SECISBP2: variants seen among roughly 807,000 people sequenced by gnomAD.
SECISBP2 encodes the protein SECIS binding protein 2.
In SECISBP2, 96 loss-of-function variants were observed where a neutral mutation model predicts 98.2. The ratio of observed to expected loss-of-function variants is 0.98; its 90% CI spans 0.83 to 1.16. The LOEUF (loss-of-function observed/expected upper bound fraction) is 1.16. Ranked by LOEUF, SECISBP2 falls within the 50% of genes most tolerant of loss-of-function variation. SECISBP2 has a pLI of 0.00. For missense variants in SECISBP2, 1,046 were observed against 1,022.9 expected (o/e 1.02, Z -0.31); for synonymous variants, 407 against 370.2 (o/e 1.10, Z -1.14).
At chr9:89,361,404 G>A (rs1293075402), downstream of SECISBP2, 1 of 152,228 alleles carries the variant, frequency 6.6e-6, no homozygotes, top group Non-Finnish European at 1.5e-5. Flanking sequence ...GGTGCGGCTT[G>A]ACTTTTAACA....
intron 7 of SECISBP2, among the ~76,000 whole-genome samples, chr9:89,336,531 C>G (rs946923993): frequency 2.6e-5 from 4 of 152,080 alleles, no homozygotes; most frequent in African/African-American, 9.7e-5. Context: ...TGTAATTAGC[C>G]CATTCCACAT....
chr9:89,339,881 C>T lies in SECISBP2; in HGVS notation c.1230C>T (p.Pro410=). 6.2e-7 allele frequency: 1 copy of T among 1,613,620 alleles called. No homozygotes were observed. The highest frequency in any genetic ancestry group is 8.5e-7 in the Non-Finnish European group (1 of 1,179,650). ...TTACTTAGGATGCCGAGGAATTTCC[C>T]AACCTGGCAGTTGCATCTGAAAGAA... ...PPRIEDAEEF[P]NLAVASERRD... is the part of the protein sequence containing the mutation. The change falls in exon 9 of 17, where the codon CCC becomes CCT. Residue 410 remains proline, a synonymous_variant. Transcript: ENST00000375807.
In SECISBP2 at chr9:89,358,046, G is replaced by A. The variant is rs62638731; in HGVS notation, c.2316G>A (p.Ala772=). The change falls in exon 16 of 17, where the codon GCG becomes GCA. Residue 772 remains alanine, a synonymous_variant. Transcript: ENST00000375807. Reference sequence around the variant, plus strand: ...AGCTGACAGTGGCGGCCCGACAGGCGTACAAGACCATGCTGGAGAATGTGC... The same window carrying A: ...AGCTGACAGTGGCGGCCCGACAGGCATACAAGACCATGCTGGAGAATGTGC... ...MVELTVAARQ[A]YKTMLENVQQ... 2.3e-3 allele frequency: 3,703 copies of A among 1,613,608 alleles called. 90 individuals are homozygous for A. In the African/African-American group the frequency reaches 0.044, roughly 19 times the overall value.
At chr9:89,339,215 T>G (rs546568061) in intron 8 of SECISBP2, among the ~76,000 whole-genome samples, 1 of 152,338 alleles carries the variant, frequency 6.6e-6, no homozygotes, top group East Asian at 1.9e-4. Context: ...GCTGCCCAGG[T>G]GCCCAGCTTA....
At chr9:89,357,929 T>G in intron 15 of SECISBP2, 70 bp from the exon 16 acceptor site, 5 of 1,527,426 alleles carry the variant, frequency 3.3e-6, no homozygotes, top group Non-Finnish European at 4.5e-6. Flanking sequence ...GAGGTGGCCA[T>G]TGCTGAGTTT....
downstream of SECISBP2, among the ~76,000 whole-genome samples, chr9:89,363,266 T>C (rs1035942603): frequency 7.0e-6 from 1 of 142,644 alleles, no homozygotes; most frequent in Non-Finnish European, 1.5e-5. Flanking sequence ...GACGTGGGAT[T>C]TCCCCCCCCA....
In SECISBP2 at chr9:89,350,891, G is replaced by A. The variant is rs759183688; in HGVS notation, c.2113+39G>A. On this transcript the variant is annotated intron_variant, in intron 14 of 16. Coordinates refer to ENST00000375807, the MANE Select transcript of SECISBP2 (RefSeq NM_024077.5). ...GTGGTCCTGTGATATGTGGGCCCCT[G>A]CATGAGTGCCTAGTGTGCCCTCGTG... 8 of 1,542,858 alleles carry A rather than the reference G, an allele frequency of 5.2e-6. 1 individual carries two copies. Among genetic ancestry groups the A allele is most frequent in the Middle Eastern group, 1.7e-4 (1 of 5,996 alleles).
chr9:89,318,760 T>A, intron 1 of SECISBP2, 148 bp downstream of exon 1: 7 of 1,231,262 alleles, frequency 5.7e-6, no homozygotes, highest in Non-Finnish European at 7.3e-6. Context: ...GTGGCCGCGA[T>A]CTTCGCGCCC....
chr9:89,351,130 G>A (rs1831222269), intron 14 of SECISBP2, among the ~76,000 whole-genome samples: 2 of 152,168 alleles, frequency 1.3e-5, no homozygotes, highest in African/African-American at 4.8e-5. Context: ...CCTCTGTTGT[G>A]CAGGCCACTG....
intron 5 of SECISBP2, chr9:89,329,903 GAAA>G (rs1346495058): frequency 6.6e-6 from 1 of 151,508 alleles, no homozygotes; most frequent in Non-Finnish European, 1.5e-5. Flanking sequence ...TTCCAATATA[GAAA>G]AAAAAGACTT....
intron 14 of SECISBP2, among the ~76,000 whole-genome samples, chr9:89,353,054 G>C (rs927112532): frequency 3.9e-5 from 6 of 152,100 alleles, no homozygotes; most frequent in African/African-American, 4.8e-5. Flanking sequence ...TGGAAATCCG[G>C]GTGTGTGGCT....
downstream of SECISBP2, among the ~76,000 whole-genome samples, chr9:89,362,649 T>G (rs1032402325): frequency 7.2e-5 from 11 of 152,304 alleles, no homozygotes; most frequent in African/African-American, 2.6e-4. Context: ...ACTCCCAGAT[T>G]GTGCTGAGAG....
chr9:89,329,199 G>A lies in SECISBP2; in HGVS notation c.801+313G>A, dbSNP rs1446393873. ...ACGATCTCAGCTCACTGCAACCTCC[G>A]CCTCCCGGGTTCAAGCAATTCTCCT... On this transcript the variant is annotated intron_variant, in intron 5 of 16. Transcript: ENST00000375807. 1.6e-5 allele frequency: 5 copies of A among 307,466 alleles called. 1 individual carries two copies. The East Asian group carries it at 3.5e-4, about 21-fold the overall frequency. 19.0% of individuals were successfully genotyped at this position (307,466 alleles called of 1,614,324 possible).
downstream of SECISBP2, chr9:89,362,409 G>A (rs1554729341): frequency 5.0e-6 from 8 of 1,613,946 alleles, no homozygotes; most frequent in Non-Finnish European, 4.2e-6. Flanking sequence ...TGGCTACAGG[G>A]TGTCCTTGCT....
At chr9:89,362,698 G>T (rs1832883321), downstream of SECISBP2, among the ~76,000 whole-genome samples, 1 of 152,268 alleles carries the variant, frequency 6.6e-6, no homozygotes, top group African/African-American at 2.4e-5. Context: ...GTGTGCTGAA[G>T]TACAGAGGAT....
chr9:89,356,374 T>G (rs938933953), intron 14 of SECISBP2, among the ~76,000 whole-genome samples: 3 of 152,252 alleles, frequency 2.0e-5, no homozygotes, highest in African/African-American at 7.2e-5. Flanking sequence ...TTTTAAAGTG[T>G]TAGATTAATG....
chr9:89,366,061 C>T, the SECISBP2 span, among the ~76,000 whole-genome samples: 1 of 152,236 alleles, frequency 6.6e-6, no homozygotes, highest in African/African-American at 2.4e-5. Flanking sequence ...CCAGTGAAGC[C>T]CTGTTTCTAT....
In SECISBP2 at chr9:89,341,322, A is replaced by G. The variant is rs190046127; in HGVS notation, c.1303-25A>G. The G allele has an allele frequency of 8.1e-6, 13 of 1,605,082 alleles. No homozygotes were observed. The Admixed American group carries it at 2.0e-4, about 25-fold the overall frequency. Reference sequence around the variant, plus strand: ...GCACAGTTTGTATAGTTTTATAAGTAAACTTACGAATTTTGAACTTTCAGG... The same window carrying G: ...GCACAGTTTGTATAGTTTTATAAGTGAACTTACGAATTTTGAACTTTCAGG... On this transcript the variant is annotated intron_variant, in intron 9 of 16. Transcript: ENST00000375807.
chr9:89,357,411 G>A lies in SECISBP2; in HGVS notation c.2114G>A (p.Gly705Asp). The A allele has an allele frequency of 2.5e-6, 4 of 1,614,124 alleles. No homozygotes were observed. The highest frequency in any genetic ancestry group is 2.2e-5 in the East Asian group (1 of 44,896). Reference sequence around the variant, plus strand: ...TCATTTTTCATTGTCCTTTGACCAGGTGGGCTGGATGACACTTTGCACACA... The same window carrying A: ...TCATTTTTCATTGTCCTTTGACCAGATGGGCTGGATGACACTTTGCACACA... ...SPNCEKIQSK[G>D]GLDDTLHTII... The change falls in exon 15 of 17, where the codon GGT becomes GAT. Residue 705 changes from glycine to aspartate, a missense_variant and splice_region_variant. By Grantham distance (94) the Gly-to-Asp change is moderately conservative (BLOSUM62 -1). Coordinates refer to ENST00000375807, the MANE Select transcript of SECISBP2 (RefSeq NM_024077.5).
Sources: allele counts gnomAD v4.1 joint callset (sites outside exome capture counted in the v4.1 genomes callset), GRCh38; gene constraint gnomAD v4.1.1; transcripts MANE v1.5; gene names NCBI Gene and HGNC (gene_info 2026-07-23, HGNC 2026-07-21).